The following HPF1 variants were observed in gnomAD, a reference collection of about 807,000 sequenced individuals.
HPF1 encodes the protein histone PARylation factor 1, also known as UPF0609 protein C4orf27.
In HPF1, 35 loss-of-function variants were observed where a neutral mutation model predicts 38.8. The ratio of observed to expected loss-of-function variants is 0.90; its 90% CI spans 0.69 to 1.19. The LOEUF (loss-of-function observed/expected upper bound fraction) is 1.19. HPF1 is among the 50% of genes most tolerant of loss of function. The probability of loss-of-function intolerance (pLI) is 0.00; values close to 1 mark genes in which losing one functional copy is unlikely to be tolerated. For synonymous variants in HPF1, 115 were observed against 139.2 expected, an observed-to-expected ratio of 0.83 and a Z score of 1.22; for missense variants, 367 against 405.8, an observed-to-expected ratio of 0.90 and a Z score of 0.82.
intron 7 of HPF1, among the ~76,000 whole-genome samples, chr4:169,730,029 A>G (rs1219147641): frequency 6.6e-6 from 1 of 152,222 alleles, no homozygotes; most frequent in Non-Finnish European, 1.5e-5. Context: ...TCTCCAGTGT[A>G]TTCCCAGGCA....
intron 6 of HPF1, chr4:169,732,137 A>ATTTT (rs70964219): frequency 1.7e-4 from 27 of 156,130 alleles, no homozygotes; most frequent in South Asian, 7.6e-4. Flanking sequence ...TACAGTCACG[A>ATTTT]TTTTTTTTTT....
chr4:169,745,880 G>T (rs1216816380), intron 4 of HPF1, among the ~76,000 whole-genome samples: 1 of 152,146 alleles, frequency 6.6e-6, no homozygotes, highest in Non-Finnish European at 1.5e-5. Flanking sequence ...TCCTGCCAAG[G>T]TGACAACAGT....
intron 6 of HPF1, among the ~76,000 whole-genome samples, chr4:169,735,240 TAA>T (rs1733878397): frequency 6.6e-6 from 1 of 151,978 alleles, no homozygotes; most frequent in South Asian, 2.1e-4. Context: ...AGACCTACAA[TAA>T]AGAGTTGGGT....
chr4:169,732,096 C>A, intron 6 of HPF1: 19 of 351,660 alleles, frequency 5.4e-5, no homozygotes, highest in Admixed American at 9.2e-5. Context: ...ACAAGTATTT[C>A]TTTATTAACG....
At chr4:169,737,181 T>A (rs55710525) in intron 6 of HPF1, among the ~76,000 whole-genome samples, 21,579 of 151,090 alleles carry the variant, frequency 0.14, 1,613 homozygotes, top group Non-Finnish European at 0.16. Flanking sequence ...TCCCAGCTAC[T>A]TGGGAGGCTG....
In HPF1 at chr4:169,757,903, T is replaced by G; in HGVS notation, c.-26A>C. On this transcript the variant is annotated 5_prime_UTR_variant, in exon 1 of 8. Transcript: ENST00000393381. ...TCTGCAGCTGCAGCGCCAGCAGAATTCCCCGATCCGCGGCCGCTTCCGAGC... is the reference window on the plus strand; with the variant it reads ...TCTGCAGCTGCAGCGCCAGCAGAATGCCCCGATCCGCGGCCGCTTCCGAGC... 6.5e-7 allele frequency: 1 copy of G among 1,542,398 alleles called. No homozygotes were observed. The highest frequency in any genetic ancestry group is 1.2e-5 in the South Asian group (1 of 84,302).
In HPF1 at chr4:169,748,803, AT is replaced by A; in HGVS notation, c.437del (p.Asn146MetfsTer8). 6.6e-7 allele frequency: 1 copy of A among 1,522,916 alleles called. No individual in the cohort carries two copies. The highest frequency in any genetic ancestry group is 8.9e-7 in the Non-Finnish European group (1 of 1,124,380). The allele number at this position is 1,522,916 out of a possible 1,614,324, so 94.3% of individuals were successfully genotyped here. A position where few individuals can be genotyped will look rare whatever the true frequency, so the allele number is the denominator to read the frequency against. On this transcript the variant is annotated frameshift_variant, in exon 4 of 8. Transcript: ENST00000393381. LOFTEE classifies it high-confidence loss of function. ...CAATTATACAATTTTTCTTTGCTTCATTTATACCAACATATACAGGAAATTC... is the reference window on the plus strand; with the variant it reads ...CAATTATACAATTTTTCTTTGCTTCATTATACCAACATATACAGGAAATTC... ...PDEFPVYVGINEAKKNCIIVP... is the reference protein window; with the variant it reads ...PDEFPVYVGIXEAKKNCIIVP...
At chr4:169,734,242 C>A (rs1224251909) in intron 6 of HPF1, among the ~76,000 whole-genome samples, 2 of 152,188 alleles carry the variant, frequency 1.3e-5, no homozygotes, top group Non-Finnish European at 2.9e-5. Flanking sequence ...ACAGATGAAG[C>A]TTTCTCCAAA....
intron 1 of HPF1, among the ~76,000 whole-genome samples, chr4:169,755,455 C>A (rs1279280143): frequency 6.6e-6 from 1 of 152,122 alleles, no homozygotes; most frequent in Non-Finnish European, 1.5e-5. Flanking sequence ...CTTGGGTATG[C>A]TCAGATTTGG....
At chr4:169,755,849 A>G (rs965866641) in intron 1 of HPF1, among the ~76,000 whole-genome samples, 3 of 152,078 alleles carry the variant, frequency 2.0e-5, no homozygotes, top group African/African-American at 7.2e-5. Flanking sequence ...TAGGAGAGGA[A>G]CACGTGTAGA....
intron 2 of HPF1, among the ~76,000 whole-genome samples, chr4:169,751,928 G>T (rs1249412937): frequency 6.6e-6 from 1 of 152,088 alleles, no homozygotes; most frequent in African/African-American, 2.4e-5. Context: ...GTAACAAACT[G>T]AGAAGGGTTG....
intron 7 of HPF1, among the ~76,000 whole-genome samples, chr4:169,730,744 G>C (rs189990209): frequency 7.2e-5 from 11 of 152,326 alleles, no homozygotes; most frequent in Non-Finnish European, 8.8e-5. Context: ...TAGAGCAGCA[G>C]CATGACCGTC....
intron 4 of HPF1, among the ~76,000 whole-genome samples, chr4:169,743,928 T>C (rs765766237): frequency 2.2e-4 from 34 of 151,220 alleles, no homozygotes; most frequent in Non-Finnish European, 4.6e-4. Flanking sequence ...TTGAGAGAGC[T>C]AATAGATTAA....
rs184351347 is a variant in HPF1, at chr4:169,732,535, C to T, written c.737-659G>A. Among the ~76,000 whole-genome samples the T allele has an allele frequency of 2.2e-3, 328 of 152,278 alleles. 4 individuals are homozygous for T. Among genetic ancestry groups the T allele is most frequent in the South Asian group, 2.1e-3 (10 of 4,826 alleles). On this transcript the variant is annotated intron_variant, in intron 6 of 7. Transcript: ENST00000393381. ...GCAGACTAGTCCAGGAGTTGGCAAA[C>T]TTTGGGCAAACCTGGCTCACCCTGT...
intron 5 of HPF1, among the ~76,000 whole-genome samples, chr4:169,739,487 T>C (rs1733938448): frequency 6.6e-6 from 1 of 150,952 alleles, no homozygotes; most frequent in Non-Finnish European, 1.5e-5. Flanking sequence ...ATTAAAGAAA[T>C]GCTAATTAAA....
chr4:169,737,426 C>T (rs1733912945), intron 6 of HPF1, among the ~76,000 whole-genome samples: 1 of 151,732 alleles, frequency 6.6e-6, no homozygotes, highest in South Asian at 2.1e-4. Context: ...CTCCATTTTA[C>T]AGATGAAAAA....
chr4:169,754,219 G>A (rs532396221), intron 1 of HPF1, among the ~76,000 whole-genome samples: 83 of 152,290 alleles, frequency 5.5e-4, no homozygotes, highest in African/African-American at 1.9e-3. Context: ...ACAAATAGAA[G>A]TAACTGGATA....
intron 4 of HPF1, among the ~76,000 whole-genome samples, chr4:169,742,994 G>A (rs1172235629): frequency 9.9e-5 from 15 of 151,640 alleles, no homozygotes; most frequent in African/African-American, 2.4e-4. Context: ...ACAGCTACCC[G>A]GGAGGCTGGG....
At chr4:169,735,922 G>T (rs1733885966) in intron 6 of HPF1, among the ~76,000 whole-genome samples, 1 of 136,444 alleles carries the variant, frequency 7.3e-6, no homozygotes, top group Non-Finnish European at 1.5e-5. Flanking sequence ...GGTGGGGCAG[G>T]AGAAGGAGCT....
Sources: allele counts gnomAD v4.1 joint callset (sites outside exome capture counted in the v4.1 genomes callset), GRCh38; gene constraint gnomAD v4.1.1; transcripts MANE v1.5; gene names NCBI Gene and HGNC (gene_info 2026-07-23, HGNC 2026-07-21).